The following PPFIA2 variants were observed in gnomAD, a reference collection of about 807,000 sequenced individuals.
PPFIA2 encodes PPFI scaffold protein A2, also known as liprin-alpha-2.
Under a neutral mutation model 175.5 loss-of-function variants are expected in PPFIA2, and 46 were observed. The ratio of observed to expected loss-of-function variants is 0.26; its 90% CI spans 0.21 to 0.34. The LOEUF (loss-of-function observed/expected upper bound fraction) is 0.34, where lower values mean the gene tolerates loss of function less well. Among genes scored for constraint, PPFIA2 ranks in the 10% least tolerant of loss-of-function variants. The probability of loss-of-function intolerance (pLI) is 1.00; values close to 1 mark genes in which losing one functional copy is unlikely to be tolerated. For missense variants in PPFIA2, 1,179 were observed against 1,506.1 expected (o/e 0.78, Z 3.60); for synonymous variants, 568 against 511.4 (o/e 1.11, Z -1.49).
chr12:81,378,503 T>C (rs528973098), intron 9 of PPFIA2, among the ~76,000 whole-genome samples: 2 of 152,324 alleles, frequency 1.3e-5, no homozygotes, highest in African/African-American at 4.8e-5. Context: ...TCCTAAATAA[T>C]GCCTACTATT....
chr12:81,725,273 A>T (rs2079913736), intron 3 of PPFIA2, among the ~76,000 whole-genome samples: 1 of 150,980 alleles, frequency 6.6e-6, no homozygotes, highest in Non-Finnish European at 1.5e-5. Context: ...AAACTCCCTT[A>T]GAAAATACAT....
At chr12:81,346,848 G>C (rs757659096) in intron 18 of PPFIA2, among the ~76,000 whole-genome samples, 1 of 151,820 alleles carries the variant, frequency 6.6e-6, no homozygotes, top group Non-Finnish European at 1.5e-5. Context: ...CACACACACA[G>C]AGTCCAAAGT....
chr12:81,739,251 A>G (rs1051466837), intron 3 of PPFIA2, among the ~76,000 whole-genome samples: 1 of 152,080 alleles, frequency 6.6e-6, no homozygotes, highest in Non-Finnish European at 1.5e-5. Flanking sequence ...ACTAAAACTT[A>G]TGATTTCAGA....
At chr12:81,308,430 G>C (rs532240217) in intron 22 of PPFIA2, among the ~76,000 whole-genome samples, 1 of 152,254 alleles carries the variant, frequency 6.6e-6, no homozygotes, top group Non-Finnish European at 1.5e-5. Flanking sequence ...TTGGAGTCAT[G>C]GAACCGTCGA....
chr12:81,593,951 C>A (rs970987281), intron 4 of PPFIA2, among the ~76,000 whole-genome samples: 2 of 152,110 alleles, frequency 1.3e-5, no homozygotes, highest in African/African-American at 4.8e-5. Flanking sequence ...GGCAAGTGAG[C>A]AAAGCTTCAT....
rs559354411 is a variant in PPFIA2 at position 81,307,548 on chromosome 12, A to C, written c.2643-8166T>G. Among the ~76,000 whole-genome samples the C allele has an allele frequency of 2.1e-4, 32 of 152,330 alleles. No individual in the cohort carries two copies. In the South Asian group the frequency reaches 6.0e-3, roughly 29 times the overall value. Reference sequence around the variant, plus strand: ...ACAATGTTATATCTAACATTCAGAAAGACATTTTCTAGACTAACTGAATAC... The same window carrying C: ...ACAATGTTATATCTAACATTCAGAACGACATTTTCTAGACTAACTGAATAC... On this transcript the variant is annotated intron_variant, in intron 22 of 32. Coordinates refer to ENST00000549396, the MANE Select transcript of PPFIA2 (RefSeq NM_003625.5).
At chr12:81,504,636 A>T (rs2060948499) in intron 4 of PPFIA2, among the ~76,000 whole-genome samples, 3 of 152,176 alleles carry the variant, frequency 2.0e-5, no homozygotes, top group Non-Finnish European at 2.9e-5. Flanking sequence ...CAGCAATCTC[A>T]TTACTGGGTA....
chr12:81,384,802 T>G (rs2038565600), intron 8 of PPFIA2, among the ~76,000 whole-genome samples: 1 of 152,168 alleles, frequency 6.6e-6, no homozygotes, highest in Admixed American at 6.6e-5. Context: ...TATAGAAAAG[T>G]TTTTATTTCT....
intron 5 of PPFIA2, among the ~76,000 whole-genome samples, chr12:81,447,626 G>A (rs1281053602): frequency 2.0e-5 from 3 of 152,076 alleles, no homozygotes; most frequent in African/African-American, 7.2e-5. Flanking sequence ...AATATTTTAT[G>A]ATATGCAATT....
chr12:81,422,825 T>G (rs2046517894), intron 7 of PPFIA2, among the ~76,000 whole-genome samples: 1 of 152,098 alleles, frequency 6.6e-6, no homozygotes, highest in Admixed American at 6.6e-5. Context: ...CCAAAACTGT[T>G]GCACTGGGAT....
intron 8 of PPFIA2, among the ~76,000 whole-genome samples, chr12:81,389,608 T>C (rs2142180002): frequency 6.6e-6 from 1 of 152,210 alleles, no homozygotes; most frequent in African/African-American, 2.4e-5. Context: ...ATCGTGAGCT[T>C]ACTGTGTGTC....
At chr12:81,444,176 T>A (rs568827737) in intron 6 of PPFIA2, among the ~76,000 whole-genome samples, 3 of 152,268 alleles carry the variant, frequency 2.0e-5, no homozygotes, top group African/African-American at 4.8e-5. Context: ...CTTGAAGACA[T>A]CCTTGTCTTT....
At chr12:81,346,869 G>A (rs946246363) in intron 18 of PPFIA2, among the ~76,000 whole-genome samples, 5 of 151,572 alleles carry the variant, frequency 3.3e-5, no homozygotes, top group Non-Finnish European at 7.4e-5. Flanking sequence ...GATTTCCTCC[G>A]TATGCCATCA....
intron 22 of PPFIA2, chr12:81,312,296 T>C: frequency 2.2e-6 from 2 of 901,262 alleles, no homozygotes; most frequent in Non-Finnish European, 3.4e-6. Flanking sequence ...AGCTCAGGTA[T>C]GAGAAAGACA....
At chr12:81,365,726 A>C (rs2033005404) in intron 14 of PPFIA2, among the ~76,000 whole-genome samples, 1 of 151,762 alleles carries the variant, frequency 6.6e-6, no homozygotes, top group Admixed American at 6.6e-5. Flanking sequence ...AGGCTACTAA[A>C]AATGTAATCT....
At chr12:81,558,985 C>T (rs1446699092) in intron 4 of PPFIA2, among the ~76,000 whole-genome samples, 1 of 152,086 alleles carries the variant, frequency 6.6e-6, no homozygotes, top group African/African-American at 2.4e-5. Context: ...CAATATATGG[C>T]TACTTGGCTA....
intron 3 of PPFIA2, among the ~76,000 whole-genome samples, chr12:81,716,009 A>G (rs990622245): frequency 9.2e-5 from 14 of 151,532 alleles, no homozygotes; most frequent in African/African-American, 3.1e-4. Context: ...TAATATATTT[A>G]TTGAGTAAAT....
At chr12:81,430,412 T>A (rs1216297629) in intron 7 of PPFIA2, 1 of 152,126 alleles carries the variant, frequency 6.6e-6, no homozygotes, top group Non-Finnish European at 1.5e-5. Context: ...ACTGCAACTA[T>A]CTCTGTAAAC....
intron 28 of PPFIA2, among the ~76,000 whole-genome samples, chr12:81,272,763 A>G (rs1443204877): frequency 3.3e-5 from 5 of 152,140 alleles, no homozygotes; most frequent in African/African-American, 1.2e-4. Context: ...CTTCTTCTTA[A>G]AAGGACTTTT....
Sources: allele counts gnomAD v4.1 joint callset (sites outside exome capture counted in the v4.1 genomes callset), GRCh38; gene constraint gnomAD v4.1.1; transcripts MANE v1.5; gene names NCBI Gene and HGNC (gene_info 2026-07-23, HGNC 2026-07-21).